CFAP206: variants seen among roughly 807,000 people sequenced by gnomAD.
CFAP206 encodes the protein cilia- and flagella-associated protein 206.
CFAP206 carries 53 observed loss-of-function variants against 65.4 expected under a neutral mutation model. That is an observed-to-expected ratio of 0.81 (90% CI 0.65 to 1.02). The LOEUF is 1.02. CFAP206 is among the 50% of genes least tolerant of loss of function. The pLI, the probability that CFAP206 is intolerant of heterozygous loss-of-function variation, is 0.00. For missense variants in CFAP206, 663 were observed against 753.2 expected (o/e 0.88, Z 1.40); for synonymous variants, 250 against 254.4 (o/e 0.98, Z 0.17).
intron 11 of CFAP206, chr6:87,445,170 CCTTT>C (rs1021984653): frequency 9.5e-5 from 26 of 272,800 alleles, no homozygotes; most frequent in African/African-American, 3.9e-4. Context: ...TTTCATCTCC[CCTTT>C]CTTTTTTATT....
intron 7 of CFAP206, among the ~76,000 whole-genome samples, chr6:87,420,851 G>A (rs1441286954): frequency 6.6e-6 from 1 of 152,106 alleles, no homozygotes; most frequent in African/African-American, 2.4e-5. Context: ...GTTTTGTACT[G>A]ACTTTAGTCA....
chr6:87,416,505 G>A (rs985726468), intron 5 of CFAP206, among the ~76,000 whole-genome samples, 164 bp from the exon 6 acceptor site: 3 of 152,130 alleles, frequency 2.0e-5, no homozygotes, highest in Admixed American at 1.3e-4. Flanking sequence ...GCTTTGATGC[G>A]TGATAAGTTT....
At chr6:87,419,886 C>G (rs1436819990) in intron 7 of CFAP206, among the ~76,000 whole-genome samples, 1 of 152,106 alleles carries the variant, frequency 6.6e-6, no homozygotes, top group East Asian at 1.9e-4. Flanking sequence ...TCAAGACCAG[C>G]CTGGGCAACA....
At chr6:87,438,718 G>A (rs1429803113) in intron 11 of CFAP206, among the ~76,000 whole-genome samples, 1 of 152,062 alleles carries the variant, frequency 6.6e-6, no homozygotes, top group Non-Finnish European at 1.5e-5. Context: ...TAACACAAGT[G>A]ACAACATTTT....
intron 5 of CFAP206, 151 bp downstream of exon 5, chr6:87,416,025 C>T: frequency 1.6e-6 from 1 of 614,010 alleles, no homozygotes; most frequent in East Asian, 3.1e-5. Flanking sequence ...AAAATGTACC[C>T]AGTCTCCTTT....
intron 10 of CFAP206, among the ~76,000 whole-genome samples, chr6:87,433,384 GAGTAAGAC>G (rs1279644055): frequency 1.3e-5 from 2 of 152,174 alleles, no homozygotes; most frequent in East Asian, 3.8e-4. Context: ...AAGAATAAAT[GAGTAAGAC>G]AGTGTTGCTC....
chr6:87,434,269 G>T (rs867130695), intron 10 of CFAP206, among the ~76,000 whole-genome samples: 1 of 152,044 alleles, frequency 6.6e-6, no homozygotes, highest in Admixed American at 6.6e-5. Context: ...GGAGACACAT[G>T]CCTGTAGTCC....
chr6:87,414,004 A>G (rs1767783067), intron 4 of CFAP206, 104 bp downstream of exon 4: 1 of 531,936 alleles, frequency 1.9e-6, no homozygotes, highest in Non-Finnish European at 3.1e-6. Context: ...TAATCAATTT[A>G]ACAATTTAAT....
At chr6:87,422,307 A>C (rs993939379) in intron 7 of CFAP206, among the ~76,000 whole-genome samples, 2 of 151,542 alleles carry the variant, frequency 1.3e-5, no homozygotes, top group Middle Eastern at 3.4e-3. Flanking sequence ...AAAATTAGCC[A>C]GGCATGGTGG....
At chr6:87,452,863 A>T (rs1446708729) in intron 11 of CFAP206, among the ~76,000 whole-genome samples, 2 of 152,122 alleles carry the variant, frequency 1.3e-5, no homozygotes, top group African/African-American at 4.8e-5. Flanking sequence ...GACAAATCTA[A>T]GAGTTATTGA....
At chr6:87,423,692 G>A (rs1767988337) in intron 7 of CFAP206, among the ~76,000 whole-genome samples, 1 of 152,032 alleles carries the variant, frequency 6.6e-6, no homozygotes, top group African/African-American at 2.4e-5. Context: ...CTGCATTTTC[G>A]TATTGATTCC....
chr6:87,409,727 A>G (rs941219282), intron 1 of CFAP206, 108 bp from the exon 2 acceptor site: 6 of 678,962 alleles, frequency 8.8e-6, no homozygotes, highest in Admixed American at 3.0e-5. Flanking sequence ...AAGCTAATAG[A>G]TGATATTATG....
chr6:87,409,927 G>C lies in CFAP206; in HGVS notation c.88G>C (p.Glu30Gln). The stretch of plus-strand genomic sequence containing the variant: ...TGCAGCCCATGGAGAGATTGTTTCT[G>C]AAACTCTGATTGCTTTTATGGTAAG... ...ECAAHGEIVS[E>Q]TLIAFMVKAV... is the part of the protein sequence containing the mutation. Residue 30 changes from glutamate to glutamine, a missense_variant, in exon 2 of 13, where the codon GAA becomes CAA. Transcript: ENST00000369562. The C allele has an allele frequency of 6.2e-7, 1 of 1,609,900 alleles. No homozygotes were observed. The highest frequency in any genetic ancestry group is 8.5e-7 in the Non-Finnish European group (1 of 1,177,220).
At chr6:87,453,678 T>A (rs1449319644) in intron 11 of CFAP206, among the ~76,000 whole-genome samples, 11 of 152,132 alleles carry the variant, frequency 7.2e-5, no homozygotes, top group Non-Finnish European at 1.3e-4. Context: ...TTTAAAATAA[T>A]GGGTTATAAG....
chr6:87,431,494 A>G (rs551238519), intron 10 of CFAP206, among the ~76,000 whole-genome samples: 1 of 152,358 alleles, frequency 6.6e-6, no homozygotes, highest in East Asian at 1.9e-4. Context: ...GGCTGCATGC[A>G]GTGGCTCACG....
intron 7 of CFAP206, among the ~76,000 whole-genome samples, chr6:87,420,239 G>C (rs1767915694): frequency 6.6e-6 from 1 of 152,190 alleles, no homozygotes; most frequent in Non-Finnish European, 1.5e-5. Context: ...GTCCACAGGA[G>C]TAGAACTTCA....
At chr6:87,420,480 A>G (rs1767919901) in intron 7 of CFAP206, among the ~76,000 whole-genome samples, 1 of 152,216 alleles carries the variant, frequency 6.6e-6, no homozygotes, top group Non-Finnish European at 1.5e-5. Flanking sequence ...GGTCTTTGCA[A>G]CCAGACTACA....
rs574948622 is a variant in CFAP206 at position 87,453,610 on chromosome 6, G to T, written c.1495-7412G>T. Among the ~76,000 whole-genome samples, 3 of 152,242 alleles carry T rather than the reference G, an allele frequency of 2.0e-5. No individual in the cohort carries two copies. In the South Asian group the frequency reaches 6.2e-4, roughly 32 times the overall value. On this transcript the variant is annotated intron_variant, in intron 11 of 12. Coordinates refer to ENST00000369562, the MANE Select transcript of CFAP206 (RefSeq NM_001031743.3). ...GCTGGCTGGGGGATGAAAAAGTGTA[G>T]AGTTTTTATCAGTTTTTTCTTTGCT...
chr6:87,454,617 A>T (rs528707429), intron 11 of CFAP206, among the ~76,000 whole-genome samples: 8 of 152,048 alleles, frequency 5.3e-5, no homozygotes, highest in African/African-American at 1.9e-4. Context: ...AGGCCGAGGC[A>T]GGCAGATCAT....
Sources: allele counts gnomAD v4.1 joint callset (sites outside exome capture counted in the v4.1 genomes callset), GRCh38; gene constraint gnomAD v4.1.1; transcripts MANE v1.5; gene names NCBI Gene and HGNC (gene_info 2026-07-23, HGNC 2026-07-21).